CNOT2: variants seen among roughly 807,000 people sequenced by gnomAD.
CNOT2 encodes CCR4-NOT transcription complex subunit 2, also known as CC chemokine receptor 4-negative regulator of transcription 2.
In CNOT2, 7 loss-of-function variants were observed where a neutral mutation model predicts 72.1. The observed-to-expected ratio is 0.10, with a 90% confidence interval of 0.06 to 0.18. The LOEUF (loss-of-function observed/expected upper bound fraction) is 0.18. Among genes scored for constraint, CNOT2 ranks in the 10% least tolerant of loss-of-function variants. The pLI, the probability that CNOT2 is intolerant of heterozygous loss-of-function variation, is 1.00. For synonymous variants in CNOT2, 196 were observed against 225.6 expected, an observed-to-expected ratio of 0.87 and a Z score of 1.17; for missense variants, 345 against 660.3, an observed-to-expected ratio of 0.52 and a Z score of 5.23.
At chr12:70,268,595 G>T (rs535654129) in intron 1 of CNOT2, among the ~76,000 whole-genome samples, 1 of 151,716 alleles carries the variant, frequency 6.6e-6, no homozygotes, top group Non-Finnish European at 1.5e-5. Context: ...TACAGGGTGC[G>T]TGTGCCATCA....
intron 2 of CNOT2, among the ~76,000 whole-genome samples, chr12:70,298,162 C>G (rs1161687092): frequency 1.3e-5 from 2 of 152,182 alleles, no homozygotes; most frequent in African/African-American, 4.8e-5. Flanking sequence ...TCTCACATGT[C>G]TATAATCAGT....
chr12:70,341,407 T>C (rs1881492714), intron 11 of CNOT2, among the ~76,000 whole-genome samples: 2 of 152,334 alleles, frequency 1.3e-5, no homozygotes, highest in Admixed American at 6.5e-5. Context: ...ATGTCCCTTA[T>C]AGCCTTCAAA....
intron 1 of CNOT2, among the ~76,000 whole-genome samples, chr12:70,250,937 A>G (rs1325908086): frequency 6.6e-6 from 1 of 152,124 alleles, no homozygotes; most frequent in Non-Finnish European, 1.5e-5. Context: ...ACAAAGAGCA[A>G]TAGGAAGGAG....
At chr12:70,257,593 T>A (rs1171121906) in intron 1 of CNOT2, among the ~76,000 whole-genome samples, 3 of 151,804 alleles carry the variant, frequency 2.0e-5, no homozygotes, top group Non-Finnish European at 2.9e-5. Context: ...GCTCTCGATC[T>A]CCTGACCTCG....
intron 2 of CNOT2, among the ~76,000 whole-genome samples, chr12:70,305,399 C>T (rs1285731036): frequency 6.6e-6 from 1 of 152,172 alleles, no homozygotes; most frequent in East Asian, 1.9e-4. Flanking sequence ...GGGGTTCCTT[C>T]TGCGACACGT....
chr12:70,258,981 CTT>C (rs1238337285), intron 1 of CNOT2, among the ~76,000 whole-genome samples: 1 of 152,198 alleles, frequency 6.6e-6, no homozygotes, highest in Non-Finnish European at 1.5e-5. Flanking sequence ...TGAGGAAAGA[CTT>C]TGCTAGGCTA....
intron 3 of CNOT2, among the ~76,000 whole-genome samples, chr12:70,318,466 G>T (rs2135981835): frequency 6.6e-6 from 1 of 151,780 alleles, no homozygotes; most frequent in Non-Finnish European, 1.5e-5. Context: ...GGTACAGGTG[G>T]TTTCTGATTA....
intron 4 of CNOT2, among the ~76,000 whole-genome samples, 183 bp downstream of exon 4, chr12:70,319,547 C>A (rs745584511): frequency 3.3e-5 from 5 of 151,636 alleles, no homozygotes; most frequent in Non-Finnish European, 5.9e-5. Context: ...CCTTATTGAT[C>A]CTATGGTTGC....
At chr12:70,298,828 C>G (rs1873286586) in intron 2 of CNOT2, among the ~76,000 whole-genome samples, 1 of 152,084 alleles carries the variant, frequency 6.6e-6, no homozygotes, top group Non-Finnish European at 1.5e-5. Flanking sequence ...TACAAAACAT[C>G]TTATAAGCCT....
In CNOT2 at chr12:70,319,345, A is replaced by G. The variant is rs767855251; in HGVS notation, c.219A>G (p.Ala73=). Residue 73 remains alanine, a synonymous_variant, in exon 4 of 16, where the codon GCA becomes GCG. Coordinates refer to ENST00000229195, the MANE Select transcript of CNOT2 (RefSeq NM_014515.7). ...CAGGTCAGCTGTCTCAGTTTGGGGCAAGTTTATACGGGCAACAAAGTAAGA... is the reference window on the plus strand; with the variant it reads ...CAGGTCAGCTGTCTCAGTTTGGGGCGAGTTTATACGGGCAACAAAGTAAGA... ...STSGQLSQFG[A]SLYGQQSALG... 1.9e-6 allele frequency: 3 copies of G among 1,610,668 alleles called. No homozygotes were observed. The highest frequency in any genetic ancestry group is 2.5e-6 in the Non-Finnish European group (3 of 1,177,700).
intron 6 of CNOT2, among the ~76,000 whole-genome samples, chr12:70,332,076 C>T (rs1406973178): frequency 6.6e-6 from 1 of 151,466 alleles, no homozygotes; most frequent in Admixed American, 6.6e-5. Flanking sequence ...TTGGGGACAC[C>T]ATAGACTGTG....
At chr12:70,330,995 CT>C (rs1879852942) in intron 6 of CNOT2, 1 of 152,000 alleles carries the variant, frequency 6.6e-6, no homozygotes, top group African/African-American at 2.4e-5. Context: ...TTTTTCACTT[CT>C]CTTTGTACTG....
chr12:70,277,323 T>C (rs1252830881), intron 1 of CNOT2, among the ~76,000 whole-genome samples: 2 of 152,184 alleles, frequency 1.3e-5, no homozygotes, highest in Non-Finnish European at 2.9e-5. Flanking sequence ...AAGACAGCAT[T>C]TCTTGTGACT....
At chr12:70,285,033 A>G (rs1870625562) in intron 2 of CNOT2, among the ~76,000 whole-genome samples, 1 of 152,224 alleles carries the variant, frequency 6.6e-6, no homozygotes, top group East Asian at 1.9e-4. Context: ...CGTAGACTTT[A>G]TATATGAAAT....
At position 70,338,647 on chromosome 12, in the gene CNOT2, C is replaced by G. The variant is rs1382970094; in HGVS notation, c.1022-19C>G. On this transcript the variant is annotated intron_variant, in intron 10 of 15. Coordinates refer to ENST00000229195, the MANE Select transcript of CNOT2 (RefSeq NM_014515.7). Reference sequence around the variant, plus strand: ...AACTTTTTCTTGAAAATAAAAGCAACTGTGTTTTTCCTACCCAGGTCGGGT... The same window carrying G: ...AACTTTTTCTTGAAAATAAAAGCAAGTGTGTTTTTCCTACCCAGGTCGGGT... The G allele has an allele frequency of 1.3e-6, 2 of 1,599,166 alleles. No homozygotes were observed. Among genetic ancestry groups the G allele is most frequent in the African/African-American group, 2.7e-5 (2 of 73,626 alleles).
chr12:70,283,467 T>TGATAGATAGATA (rs3049214), intron 2 of CNOT2, among the ~76,000 whole-genome samples: 21,208 of 142,372 alleles, frequency 0.15, 1,737 homozygotes, highest in East Asian at 0.18. Flanking sequence ...GTCAGTCGAT[T>TGATAGATAGATA]GATAGATAGA....
At chr12:70,338,946 C>T (rs543122132) in intron 11 of CNOT2, 124 bp downstream of exon 11, 13 of 778,374 alleles carry the variant, frequency 1.7e-5, no homozygotes, top group Admixed American at 2.7e-5. Flanking sequence ...TTCTCTGGGT[C>T]ATTCCCATTC....
chr12:70,354,019 G>A lies in CNOT2; in HGVS notation c.*104G>A, dbSNP rs892774796. 1.7e-5 allele frequency: 25 copies of A among 1,460,388 alleles called. No individual in the cohort carries two copies. The Admixed American group carries it at 6.5e-4, about 38-fold the overall frequency. The allele number at this position is 1,460,388 out of a possible 1,614,324, so 90.5% of individuals were successfully genotyped here. A position where few individuals can be genotyped will look rare whatever the true frequency, so the allele number is the denominator to read the frequency against. ...GAACTGATGTGGCTCAGGCACCCTG[G>A]TTTTAATTCCTTGAGGATCTGGCAA... is the stretch of plus-strand genomic sequence containing the variant. On this transcript the variant is annotated 3_prime_UTR_variant, in exon 16 of 16. Coordinates refer to ENST00000229195, the MANE Select transcript of CNOT2 (RefSeq NM_014515.7).
intron 1 of CNOT2, among the ~76,000 whole-genome samples, chr12:70,263,546 T>C (rs899400086): frequency 6.6e-6 from 1 of 152,170 alleles, no homozygotes; most frequent in Non-Finnish European, 1.5e-5. Context: ...TAATATCTCT[T>C]TTTTTCTTAT....
Sources: gnomAD v4.1 joint callset for allele counts (sites outside exome capture counted in the v4.1 genomes callset) on GRCh38, gnomAD v4.1.1 for gene constraint, MANE v1.5 for transcripts, NCBI Gene and HGNC (gene_info 2026-07-23, HGNC 2026-07-21) for gene names.